Variants in CEP112 observed in about 807,000 individuals in gnomAD.
CEP112 encodes the protein centrosomal protein 112, also known as centrosomal protein of 112 kDa.
Under a neutral mutation model 153.0 loss-of-function variants are expected in CEP112, and 127 were observed. The ratio of observed to expected loss-of-function variants is 0.83; its 90% CI spans 0.72 to 0.96. The LOEUF (loss-of-function observed/expected upper bound fraction) is 0.96. Ranked by LOEUF, CEP112 falls within the 40% of genes least tolerant of loss-of-function variation. CEP112 has a pLI of 0.00. For synonymous variants in CEP112, 358 were observed against 374.4 expected (o/e 0.96, Z 0.51); for missense variants, 1,089 against 1,101.2 (o/e 0.99, Z 0.16).
chr17:65,988,022 T>C (rs1191928571), intron 17 of CEP112, among the ~76,000 whole-genome samples: 1 of 152,162 alleles, frequency 6.6e-6, no homozygotes, highest in Non-Finnish European at 1.5e-5. Flanking sequence ...AACTCTGTTC[T>C]GTAACTTGGC....
intron 23 of CEP112, among the ~76,000 whole-genome samples, chr17:65,715,115 T>G (rs894380545): frequency 6.6e-6 from 1 of 152,174 alleles, no homozygotes; most frequent in South Asian, 2.1e-4. Context: ...ACAACTCATG[T>G]GATGTAGGAA....
intron 24 of CEP112, among the ~76,000 whole-genome samples, chr17:65,670,962 G>A (rs1361134608): frequency 1.3e-5 from 2 of 151,984 alleles, no homozygotes; most frequent in Admixed American, 6.6e-5. Flanking sequence ...TCACACTACA[G>A]TCGTTGAAAA....
rs188354543 is a variant in CEP112 at position 65,700,264 on chromosome 17, G to A, written c.2608-11046C>T. Among the ~76,000 whole-genome samples the A allele has an allele frequency of 7.2e-5, 11 of 152,256 alleles. No homozygotes were observed. The East Asian group carries it at 1.5e-3, about 21-fold the overall frequency. On this transcript the variant is annotated intron_variant, in intron 23 of 26. Coordinates refer to ENST00000535342, the MANE Select transcript of CEP112 (RefSeq NM_001199165.4). The stretch of plus-strand genomic sequence containing the variant: ...TCTGGGCATATCGCATGTACCAGAC[G>A]TGGTACTAAACATTACCCTCAAAAA...
intron 18 of CEP112, among the ~76,000 whole-genome samples, chr17:65,930,589 G>A (rs1433892995): frequency 6.6e-6 from 1 of 152,206 alleles, no homozygotes; most frequent in Non-Finnish European, 1.5e-5. Context: ...CTGATTCATA[G>A]ATAATTAGTA....
intron 6 of CEP112, among the ~76,000 whole-genome samples, chr17:66,118,092 A>C (rs1180719916): frequency 6.6e-6 from 1 of 152,194 alleles, no homozygotes; most frequent in African/African-American, 2.4e-5. Flanking sequence ...CACTATGGAG[A>C]ACAGTATGGT....
intron 24 of CEP112, among the ~76,000 whole-genome samples, chr17:65,664,804 G>T (rs974318082): frequency 6.6e-6 from 1 of 152,174 alleles, no homozygotes; most frequent in African/African-American, 2.4e-5. Context: ...AGTCAGCTCA[G>T]GCTGCTATAA....
intron 4 of CEP112, among the ~76,000 whole-genome samples, chr17:66,168,533 A>ATGTG (rs1273410076): frequency 6.6e-6 from 1 of 150,716 alleles, no homozygotes; most frequent in Non-Finnish European, 1.5e-5. Context: ...ATATGTATAT[A>ATGTG]TGTGTGTGTG....
At chr17:65,973,103 T>G (rs186450911) in intron 17 of CEP112, among the ~76,000 whole-genome samples, 3 of 152,330 alleles carry the variant, frequency 2.0e-5, no homozygotes, top group African/African-American at 7.2e-5. Flanking sequence ...TCCCAGTATA[T>G]ACAAAATTAC....
chr17:65,742,508 G>C (rs2051196247), intron 23 of CEP112, among the ~76,000 whole-genome samples: 1 of 152,102 alleles, frequency 6.6e-6, no homozygotes, highest in Non-Finnish European at 1.5e-5. Context: ...AAAGAATCGG[G>C]GTCCAGAGAA....
intron 21 of CEP112, chr17:65,826,485 G>C (rs2056845745): frequency 6.9e-7 from 1 of 1,450,658 alleles, no homozygotes; most frequent in Non-Finnish European, 9.0e-7. Flanking sequence ...AGGTGGGGGT[G>C]AGGTGAGATA....
At chr17:66,093,851 G>A (rs1438816883) in intron 8 of CEP112, among the ~76,000 whole-genome samples, 1 of 151,840 alleles carries the variant, frequency 6.6e-6, no homozygotes, top group Admixed American at 6.6e-5. Context: ...AAACTAAAAA[G>A]ACCCTGAGTA....
chr17:66,001,287 C>T (rs1295878463), intron 17 of CEP112, among the ~76,000 whole-genome samples: 2 of 152,200 alleles, frequency 1.3e-5, no homozygotes, highest in Non-Finnish European at 2.9e-5. Context: ...GTCCTTTGCC[C>T]ACTTTTTAAT....
intron 16 of CEP112, among the ~76,000 whole-genome samples, chr17:66,026,453 GT>G (rs1276637043): frequency 3.6e-5 from 2 of 56,268 alleles, no homozygotes; most frequent in Admixed American, 5.7e-4. Context: ...TACTTTCATT[GT>G]TTTAGGTTCT....
chr17:66,113,408 A>G (rs1022517768), intron 6 of CEP112, among the ~76,000 whole-genome samples: 1 of 152,238 alleles, frequency 6.6e-6, no homozygotes, highest in African/African-American at 2.4e-5. Flanking sequence ...AAAGGAAAAA[A>G]TAAAGAGGAA....
chr17:66,072,546 A>G (rs1370930871), intron 8 of CEP112, among the ~76,000 whole-genome samples: 1 of 152,154 alleles, frequency 6.6e-6, no homozygotes, highest in Non-Finnish European at 1.5e-5. Context: ...ATGTTTCCTC[A>G]TGACTAGGTT....
chr17:66,164,321 GC>G (rs1286643500), intron 4 of CEP112, among the ~76,000 whole-genome samples: 1 of 152,166 alleles, frequency 6.6e-6, no homozygotes, highest in Non-Finnish European at 1.5e-5. Context: ...ACTTTGGGAG[GC>G]CAAGGCGGGA....
At chr17:65,845,252 G>C (rs2057687532) in intron 21 of CEP112, among the ~76,000 whole-genome samples, 2 of 152,186 alleles carry the variant, frequency 1.3e-5, no homozygotes, top group African/African-American at 4.8e-5. Flanking sequence ...CTGGGAGGTG[G>C]AGGTTGTGGT....
intron 4 of CEP112, among the ~76,000 whole-genome samples, chr17:66,161,380 C>G (rs2071697563): frequency 6.6e-6 from 1 of 152,104 alleles, no homozygotes; most frequent in South Asian, 2.1e-4. Flanking sequence ...GATACATGCA[C>G]ACGTATGTTT....
chr17:65,795,871 A>G (rs2145772710), intron 21 of CEP112, among the ~76,000 whole-genome samples: 1 of 152,238 alleles, frequency 6.6e-6, no homozygotes, highest in South Asian at 2.1e-4. Context: ...CCACTAAAAA[A>G]TCTTCAATGG....
Sources: gnomAD v4.1 joint callset for allele counts (sites outside exome capture counted in the v4.1 genomes callset) on GRCh38, gnomAD v4.1.1 for gene constraint, MANE v1.5 for transcripts, NCBI Gene and HGNC (gene_info 2026-07-23, HGNC 2026-07-21) for gene names.